Variants in TRMT2B observed in about 807,000 individuals in gnomAD.
The protein encoded by TRMT2B is tRNA methyltransferase 2B, also known as tRNA (uracil-5-)-methyltransferase homolog B.
A neutral mutation model predicts 39.7 loss-of-function variants in TRMT2B; 34 were observed. That is an observed-to-expected ratio of 0.86 (90% CI 0.65 to 1.14). The LOEUF (loss-of-function observed/expected upper bound fraction) is 1.14, where lower values mean the gene tolerates loss of function less well. Ranked by LOEUF, TRMT2B falls within the 50% of genes most tolerant of loss-of-function variation. The pLI, the probability that TRMT2B is intolerant of heterozygous loss-of-function variation, is 0.00. For synonymous variants in TRMT2B, 132 were observed against 137.3 expected, an observed-to-expected ratio of 0.96 and a Z score of 0.27; for missense variants, 318 against 377.2, an observed-to-expected ratio of 0.84 and a Z score of 1.30.
chrX:100,998,826 A>C, the TRMT2B span, among the ~76,000 whole-genome samples: 1 of 111,010 alleles, frequency 9.0e-6, no homozygotes, highest in African/African-American at 3.3e-5. Context: ...CTGCTTGGCC[A>C]GTATGCTATA....
Position 101,051,398 on chromosome X carries a change from G to A in TRMT2B, c.-171C>T, listed in dbSNP as rs772758034. 2 of 754,609 alleles carry A rather than the reference G, an allele frequency of 2.7e-6. No homozygotes were observed. Among genetic ancestry groups the A allele is most frequent in the Non-Finnish European group, 3.1e-6 (2 of 639,469 alleles). The allele number at this position is 754,609 out of a possible 1,213,427, so 62.2% of individuals were successfully genotyped here. On this transcript the variant is annotated 5_prime_UTR_variant, in exon 2 of 14. Coordinates refer to ENST00000372936, the MANE Select transcript of TRMT2B (RefSeq NM_024917.6). ...CAAACAAGCAAATGGGTTGACTGCTGTGTCGTGTCCCGAATGCAGCCCACA... is the reference window on the plus strand; with the variant it reads ...CAAACAAGCAAATGGGTTGACTGCTATGTCGTGTCCCGAATGCAGCCCACA...
At chrX:101,048,309 A>AT (rs1276494499) in intron 2 of TRMT2B, among the ~76,000 whole-genome samples, 36 of 111,147 alleles carry the variant, frequency 3.2e-4, no homozygotes, top group Non-Finnish European at 5.8e-4. Context: ...GGGATTTCAA[A>AT]TTTTTTACAG....
intron 12 of TRMT2B, 36 bp downstream of exon 12, chrX:101,019,248 A>T: frequency 8.3e-7 from 1 of 1,208,702 alleles, no homozygotes; most frequent in African/African-American, 1.7e-5. Context: ...GTTGATGGAC[A>T]ATACTGGGAA....
intron 3 of TRMT2B, among the ~76,000 whole-genome samples, chrX:101,041,669 T>C (rs766050383): frequency 8.9e-6 from 1 of 112,090 alleles, no homozygotes; most frequent in South Asian, 3.7e-4. Context: ...ATGTAGAAAA[T>C]ACATTTGTTG....
chrX:101,024,192 G>T (rs1031944141), intron 7 of TRMT2B, among the ~76,000 whole-genome samples: 2 of 111,092 alleles, frequency 1.8e-5, no homozygotes, highest in Non-Finnish European at 3.8e-5. Flanking sequence ...AGACACCAAG[G>T]TTGGGTGCAC....
chrX:101,006,662 G>T (rs1372764170), downstream of TRMT2B, among the ~76,000 whole-genome samples: 1 of 109,948 alleles, frequency 9.1e-6, no homozygotes, highest in African/African-American at 3.3e-5. Context: ...AAATAGCCAG[G>T]CATGGTAGCA....
At chrX:101,004,012 AT>A in the TRMT2B span, among the ~76,000 whole-genome samples, 2 of 107,855 alleles carry the variant, frequency 1.9e-5, no homozygotes, top group South Asian at 4.0e-4. Context: ...TAAATTTTGG[AT>A]TTTTTTGAGA....
chrX:101,000,325 T>C, the TRMT2B span, among the ~76,000 whole-genome samples: 1 of 110,437 alleles, frequency 9.1e-6, no homozygotes, highest in African/African-American at 3.3e-5. Context: ...TTTCACCATG[T>C]TGGCCAGGCT....
chrX:101,023,344 C>CA (rs958002514), intron 8 of TRMT2B, 126 bp downstream of exon 8: 17 of 698,452 alleles, frequency 2.4e-5, no homozygotes, highest in Non-Finnish European at 3.3e-5. Context: ...CCCCTCTCCC[C>CA]AATTGACACA....
intron 4 of TRMT2B, among the ~76,000 whole-genome samples, chrX:101,038,916 A>G (rs917718997): frequency 6.3e-5 from 7 of 110,240 alleles, no homozygotes; most frequent in African/African-American, 1.3e-4. Flanking sequence ...AACCTGGCTT[A>G]TTTTTTGTAT....
intron 2 of TRMT2B, among the ~76,000 whole-genome samples, chrX:101,048,563 C>T (rs939832511): frequency 8.0e-5 from 9 of 112,517 alleles, no homozygotes; most frequent in Admixed American, 3.8e-4. Flanking sequence ...CTCAGCCTCC[C>T]GCGTAGCTGG....
chrX:101,030,387 G>A (rs2087373094), intron 7 of TRMT2B, among the ~76,000 whole-genome samples: 2 of 108,979 alleles, frequency 1.8e-5, no homozygotes, highest in South Asian at 7.9e-4. Flanking sequence ...TTCAGAACTT[G>A]GAGATACCGG....
At chrX:100,986,973 C>A in the TRMT2B span, 1 of 714,182 alleles carries the variant, frequency 1.4e-6, no homozygotes, top group South Asian at 3.2e-5. Context: ...ATTCTATAGT[C>A]AGTCCCATAT....
chrX:101,048,462 AAC>A (rs1172500216), intron 2 of TRMT2B, among the ~76,000 whole-genome samples: 3 of 111,073 alleles, frequency 2.7e-5, no homozygotes, highest in African/African-American at 9.8e-5. Context: ...AAAAAAAAAA[AAC>A]AGTCTTACTT....
chrX:101,043,678 A>G (rs1364464440), intron 2 of TRMT2B: 2 of 112,064 alleles, frequency 1.8e-5, no homozygotes, highest in Non-Finnish European at 3.8e-5. Context: ...AAGTGCTGGG[A>G]TTACAGGTGT....
chrX:100,992,211 A>T, the TRMT2B span, among the ~76,000 whole-genome samples: 1 of 110,880 alleles, frequency 9.0e-6, no homozygotes, highest in Admixed American at 9.6e-5. Flanking sequence ...GTGAGGAAAA[A>T]AAAAAGCAGA....
chrX:101,023,294 T>C (rs1192263778), intron 8 of TRMT2B, among the ~76,000 whole-genome samples, 176 bp downstream of exon 8: 1 of 112,063 alleles, frequency 8.9e-6, no homozygotes, highest in African/African-American at 3.2e-5. Context: ...GCGAGCAGTA[T>C]GGTTAAATAG....
At chrX:101,001,846 C>CG in the TRMT2B span, among the ~76,000 whole-genome samples, 2 of 89,998 alleles carry the variant, frequency 2.2e-5, no homozygotes, top group African/African-American at 8.6e-5. Context: ...AAAAAAAAAG[C>CG]AGGGGGAAAC....
chrX:101,032,606 T>C (rs763298965), intron 7 of TRMT2B, among the ~76,000 whole-genome samples: 4 of 101,691 alleles, frequency 3.9e-5, no homozygotes, highest in Non-Finnish European at 7.9e-5. Context: ...AATAAATAAA[T>C]AAAATAAAAT....
Sources: allele counts gnomAD v4.1 joint callset (sites outside exome capture counted in the v4.1 genomes callset), GRCh38; gene constraint gnomAD v4.1.1; transcripts MANE v1.5; gene names NCBI Gene and HGNC (gene_info 2026-07-23, HGNC 2026-07-21).